The following HIGD2B variants were observed in gnomAD, a reference collection of about 807,000 sequenced individuals.
The protein encoded by HIGD2B is HIG1 domain family member 2B.
For synonymous variants in HIGD2B, 45 were observed against 28.1 expected (o/e 1.60, Z -1.90); for missense variants, 106 against 67.0 (o/e 1.58, Z -2.03).
In HIGD2B at chr15:72,676,407, G is replaced by GTT. The variant is rs370597427; in HGVS notation, c.-13-22_-13-21dup. Reference sequence around the variant, plus strand: ...CCACAGCTGCAGGAGAAAATCCTTTGTTTTTTTTTTTTTTTGAGAAGGAGT... The same window carrying GTT: ...CCACAGCTGCAGGAGAAAATCCTTTGTTTTTTTTTTTTTTTTTGAGAAGGAGT... On this transcript the variant is annotated intron_variant, in intron 2 of 2. Coordinates refer to ENST00000311755, the MANE Select transcript of HIGD2B (RefSeq NM_001350932.3). 3,881 of 597,728 alleles carry GTT rather than the reference G, an allele frequency of 6.5e-3. No individual in the cohort carries two copies. The highest frequency in any genetic ancestry group is 9.2e-3 in the East Asian group (320 of 34,708). 37.0% of individuals were successfully genotyped at this position (597,728 alleles called of 1,614,324 possible). A position where few individuals can be genotyped will look rare whatever the true frequency, so the allele number is the denominator to read the frequency against.
chr15:72,680,525 A>G (rs949757673), intron 1 of HIGD2B, among the ~76,000 whole-genome samples: 1 of 152,208 alleles, frequency 6.6e-6, no homozygotes, highest in Non-Finnish European at 1.5e-5. Context: ...CAATCAATAA[A>G]TATAATCTGA....
rs112964333 is a variant in HIGD2B, at chr15:72,676,403, CT to C, written c.-13-17del. The C allele has an allele frequency of 5.6e-3, 3,808 of 675,110 alleles. 90 individuals carry two copies. In the African/African-American group the frequency reaches 0.062, roughly 11 times the overall value. The allele number at this position is 675,110 out of a possible 1,614,324, so 41.8% of individuals were successfully genotyped here. On this transcript the variant is annotated splice_polypyrimidine_tract_variant and intron_variant, in intron 2 of 2. Coordinates refer to ENST00000311755, the MANE Select transcript of HIGD2B (RefSeq NM_001350932.3). The stretch of plus-strand genomic sequence containing the variant: ...TAGGCCACAGCTGCAGGAGAAAATC[CT>C]TTGTTTTTTTTTTTTTTTGAGAAGG...
At chr15:72,685,528 G>A (rs747260295) in intron 1 of HIGD2B, among the ~76,000 whole-genome samples, 1 of 152,204 alleles carries the variant, frequency 6.6e-6, no homozygotes, top group Non-Finnish European at 1.5e-5. Context: ...GGGCCAGACA[G>A]GTAATGGAGA....
intron 1 of HIGD2B, among the ~76,000 whole-genome samples, chr15:72,685,097 A>T (rs866319053): frequency 3.3e-5 from 5 of 152,224 alleles, no homozygotes; most frequent in Admixed American, 6.5e-5. Flanking sequence ...TAAAAGAGAG[A>T]GTGTTACTGA....
chr15:72,681,103 C>T (rs951892072), intron 1 of HIGD2B, among the ~76,000 whole-genome samples: 1 of 152,102 alleles, frequency 6.6e-6, no homozygotes, highest in Admixed American at 6.6e-5. Context: ...ACCTAAACCA[C>T]ACAGACAGCA....
At chr15:72,677,430 G>C (rs1043916688) in intron 2 of HIGD2B, among the ~76,000 whole-genome samples, 3 of 151,434 alleles carry the variant, frequency 2.0e-5, no homozygotes, top group Non-Finnish European at 2.9e-5. Flanking sequence ...GACTGCAAGG[G>C]AATAATGTTC....
intron 2 of HIGD2B, among the ~76,000 whole-genome samples, chr15:72,678,494 G>C (rs1202898472): frequency 6.6e-6 from 1 of 151,872 alleles, no homozygotes; most frequent in Non-Finnish European, 1.5e-5. Flanking sequence ...TAGAGATGGG[G>C]TCTGGATATA....
intron 2 of HIGD2B, 84 bp from the exon 3 acceptor site, chr15:72,676,471 C>T: frequency 1.6e-6 from 1 of 606,616 alleles, no homozygotes; most frequent in Admixed American, 2.9e-5. Context: ...GTGGTGCAAC[C>T]TTGGCTCACT....
chr15:72,676,917 C>T (rs2064698816), intron 2 of HIGD2B, among the ~76,000 whole-genome samples: 1 of 152,118 alleles, frequency 6.6e-6, no homozygotes, highest in Admixed American at 6.6e-5. Flanking sequence ...GGAAAACCTA[C>T]ACGCGTGACA....
chr15:72,686,179 G>C lies in HIGD2B; in HGVS notation c.-554C>G, dbSNP rs896358716. ...CCCTACGACTTCCGCTTGCCTCGTC[G>C]TCTGGGAAACCGCCGACTTCCGGCC... On this transcript the variant is annotated 5_prime_UTR_variant, in exon 1 of 3. Coordinates refer to ENST00000311755, the MANE Select transcript of HIGD2B (RefSeq NM_001350932.3). The C allele has an allele frequency of 5.8e-6, 9 of 1,544,060 alleles. No individual in the cohort carries two copies. Among genetic ancestry groups the C allele is most frequent in the South Asian group, 1.2e-5 (1 of 83,950 alleles).
intron 1 of HIGD2B, among the ~76,000 whole-genome samples, chr15:72,683,496 C>T (rs1256214617): frequency 6.2e-5 from 9 of 144,968 alleles, no homozygotes; most frequent in Non-Finnish European, 1.0e-4. Context: ...GCCAGTGTTG[C>T]GTAGTAACCC....
chr15:72,685,821 A>C lies in HIGD2B; in HGVS notation c.-196T>G, dbSNP rs2064817751. 1.8e-5 allele frequency: 6 copies of C among 330,570 alleles called. No individual in the cohort carries two copies. Among genetic ancestry groups the C allele is most frequent in the South Asian group, 1.1e-4 (4 of 35,982 alleles). The allele number at this position is 330,570 out of a possible 1,614,324, so 20.5% of individuals were successfully genotyped here. ...CAAGAAACGGGGAGTTTTGTACCTA[A>C]GGCGAGAAAGAAATTCTCCGCCGAA... On this transcript the variant is annotated 5_prime_UTR_variant, in exon 1 of 3. Coordinates refer to ENST00000311755, the MANE Select transcript of HIGD2B (RefSeq NM_001350932.3).
chr15:72,682,264 AATTT>A (rs949427510), intron 1 of HIGD2B: 84 of 181,770 alleles, frequency 4.6e-4, no homozygotes, highest in African/African-American at 1.8e-3. Flanking sequence ...GCTATAGAGT[AATTT>A]ATTTATTTGA....
chr15:72,680,281 G>A (rs1459551499), intron 1 of HIGD2B, 88 bp from the exon 2 acceptor site: 2 of 152,700 alleles, frequency 1.3e-5, no homozygotes, highest in Non-Finnish European at 2.9e-5. Flanking sequence ...TCTACAGTAA[G>A]TTTTATGGAT....
chr15:72,683,554 G>A (rs1434965675), intron 1 of HIGD2B, among the ~76,000 whole-genome samples: 1 of 151,424 alleles, frequency 6.6e-6, no homozygotes, highest in Non-Finnish European at 1.5e-5. Flanking sequence ...GAAACTAAGC[G>A]CTGTGGGTTG....
intron 1 of HIGD2B, among the ~76,000 whole-genome samples, chr15:72,685,153 A>C (rs1174112396): frequency 6.6e-6 from 1 of 152,160 alleles, no homozygotes; most frequent in Non-Finnish European, 1.5e-5. Context: ...TTCCCCTTGT[A>C]TTTGGATAGA....
intron 1 of HIGD2B, among the ~76,000 whole-genome samples, chr15:72,683,693 T>A (rs2064773160): frequency 6.6e-6 from 1 of 151,862 alleles, no homozygotes; most frequent in Non-Finnish European, 1.5e-5. Context: ...ATACAAAAAT[T>A]AGCTGGGTGT....
At position 72,684,308 on chromosome 15, in the gene HIGD2B, A is replaced by C. The variant is rs539527932; in HGVS notation, c.-193+1510T>G. ...TGCCTTATGTAAATAGAGAAGATGA[A>C]GTAAAGTTACAAAGACATTTATGGC... On this transcript the variant is annotated intron_variant, in intron 1 of 2. Transcript: ENST00000311755. 7.1e-3 allele frequency among the ~76,000 whole-genome samples: 1,077 copies of C among 152,300 alleles called. 9 individuals carry two copies. Among genetic ancestry groups the C allele is most frequent in the African/African-American group, 0.025 (1,029 of 41,556 alleles).
chr15:72,681,961 G>A (rs1314808116), intron 1 of HIGD2B, among the ~76,000 whole-genome samples: 2 of 152,158 alleles, frequency 1.3e-5, no homozygotes, highest in African/African-American at 2.4e-5. Flanking sequence ...CTGTTGCCCA[G>A]GCAGGAGTGT....
Sources: allele counts gnomAD v4.1 joint callset (sites outside exome capture counted in the v4.1 genomes callset), GRCh38; gene constraint gnomAD v4.1.1; transcripts MANE v1.5; gene names NCBI Gene and HGNC (gene_info 2026-07-23, HGNC 2026-07-21).